Variants in MGAM observed in about 807,000 individuals in gnomAD.
The protein encoded by MGAM is alpha-1,4-glucosidase.
In MGAM, 253 loss-of-function variants were observed where a neutral mutation model predicts 358.8. The ratio of observed to expected loss-of-function variants is 0.71; its 90% CI spans 0.64 to 0.78. The LOEUF (loss-of-function observed/expected upper bound fraction) is 0.78, where lower values mean the gene tolerates loss of function less well. Ranked by LOEUF, MGAM falls within the 30% of genes least tolerant of loss-of-function variation. The probability of loss-of-function intolerance (pLI) is 0.00; values close to 1 mark genes in which losing one functional copy is unlikely to be tolerated. For synonymous variants in MGAM, 1,105 were observed against 1,227.1 expected (o/e 0.90, Z 2.08); for missense variants, 3,080 against 3,432.6 (o/e 0.90, Z 2.57).
chr7:142,021,524 G>T (rs1395943370), intron 5 of MGAM, 62 bp from the exon 6 acceptor site: 5 of 1,509,508 alleles, frequency 3.3e-6, no homozygotes, highest in South Asian at 1.2e-5. Flanking sequence ...CCTAAGTAGG[G>T]ATATTGGGAA....
chr7:142,050,911 C>T, intron 24 of MGAM, 47 bp downstream of exon 24: 1 of 1,611,352 alleles, frequency 6.2e-7, no homozygotes, highest in Non-Finnish European at 8.5e-7. Context: ...TTCTCCATAG[C>T]ATCGTGATGT....
chr7:142,018,966 G>T (rs1281602284), intron 3 of MGAM, among the ~76,000 whole-genome samples: 1 of 151,530 alleles, frequency 6.6e-6, no homozygotes, highest in Non-Finnish European at 1.5e-5. Context: ...AAAAGTTATA[G>T]AATGCATTTT....
chr7:141,993,417 A>G (rs1337184075), upstream of MGAM, among the ~76,000 whole-genome samples: 3 of 152,260 alleles, frequency 2.0e-5, no homozygotes, highest in East Asian at 5.8e-4. Flanking sequence ...TATCAAGATC[A>G]ATGACATGAA....
intron 21 of MGAM, among the ~76,000 whole-genome samples, chr7:142,042,003 A>G (rs1379573896): frequency 1.5e-4 from 3 of 20,298 alleles, no homozygotes; most frequent in African/African-American, 2.2e-4. Flanking sequence ...TATATATTAT[A>G]TATATAATAT....
At chr7:142,024,895 T>G (rs1554460281) in intron 7 of MGAM, among the ~76,000 whole-genome samples, 155 bp from the exon 8 acceptor site, 1 of 152,220 alleles carries the variant, frequency 6.6e-6, no homozygotes, top group African/African-American at 2.4e-5. Flanking sequence ...TAACATCAAC[T>G]AGATATAGAC....
At position 141,989,085 on chromosome 7, in the gene MGAM, AGT is replaced by A. The variant is rs141747720; in HGVS notation, c.-2-16421_-2-16420del. Reference sequence around the variant, plus strand: ...GGGGTGTAGATGCCATGTGCTTGTGAGTGTGTGTGTGTGTGTGTGTGTGTATG... The same window carrying A: ...GGGGTGTAGATGCCATGTGCTTGTGAGTGTGTGTGTGTGTGTGTGTGTATG... On this transcript the variant is annotated intron_variant, in intron 2 of 5. Transcript: ENST00000465654. Among the ~76,000 whole-genome samples, 704 of 140,636 alleles carry A rather than the reference AGT, an allele frequency of 5.0e-3. 2 individuals carry two copies. Among genetic ancestry groups the A allele is most frequent in the Middle Eastern group, 0.014 (4 of 278 alleles). The allele number at this position is 140,636 out of a possible 152,430, so 92.3% of individuals were successfully genotyped here.
At chr7:142,007,484 C>G (rs1368122581) in intron 2 of MGAM, among the ~76,000 whole-genome samples, 3 of 151,940 alleles carry the variant, frequency 2.0e-5, no homozygotes, top group Non-Finnish European at 2.9e-5. Context: ...AAAAAAGTCC[C>G]AAAGATTGCT....
chr7:142,046,153 T>C (rs1404686339), intron 21 of MGAM, among the ~76,000 whole-genome samples: 2 of 146,050 alleles, frequency 1.4e-5, no homozygotes, highest in East Asian at 2.0e-4. Flanking sequence ...TATATATATT[T>C]ATATTATATT....
chr7:142,036,264 T>C lies in MGAM; in HGVS notation c.2055T>C (p.Asn685=). ...GTGCATTTTATCCGTTTTCTAGAAA[T>C]CACAATGGCCAAGGCTACAAGGTAA... ...QLGAFYPFSR[N]HNGQGYKDQD... Residue 685 remains asparagine (N), a synonymous_variant, in exon 17 of 71, where the codon AAT becomes AAC. Transcript: ENST00000475668. The C allele has an allele frequency of 6.2e-7, 1 of 1,608,324 alleles. No homozygotes were observed. The highest frequency in any genetic ancestry group is 8.5e-7 in the Non-Finnish European group (1 of 1,177,344).
intron 1 of MGAM, among the ~76,000 whole-genome samples, chr7:141,999,636 A>G (rs1804576866): frequency 6.6e-6 from 1 of 152,226 alleles, no homozygotes. Context: ...ACTGTTAACC[A>G]TTATTATCAT....
chr7:142,022,620 A>T (rs529486785), intron 7 of MGAM, among the ~76,000 whole-genome samples, 181 bp downstream of exon 7: 41 of 152,242 alleles, frequency 2.7e-4, no homozygotes, highest in African/African-American at 8.7e-4. Flanking sequence ...CTCTGTCTTC[A>T]GTTTCTTATC....
chr7:142,047,687 G>A, intron 21 of MGAM, 98 bp from the exon 22 acceptor site: 1 of 1,149,424 alleles, frequency 8.7e-7, no homozygotes, highest in South Asian at 1.3e-5. Context: ...TCTGCTGCTA[G>A]TAACTTTTCC....
At chr7:142,011,804 A>T (rs1805620832) in intron 3 of MGAM, among the ~76,000 whole-genome samples, 2 of 152,086 alleles carry the variant, frequency 1.3e-5, no homozygotes, top group African/African-American at 4.8e-5. Context: ...GATTTGGGGG[A>T]CTAGAAAGAC....
At position 142,102,634 on chromosome 7, in the gene MGAM, C is replaced by G; in HGVS notation, c.7968C>G (p.Thr2656=). ...LFWDDGQSID[T]YGKGLYYLAS... ...TATCTTGTTTTTTGTTTGCAGATAC[C>G]TATGGGAAAGGACTCTATTACTTGG... Residue 2656 remains threonine (T), a synonymous_variant, in exon 69 of 71, where the codon ACC becomes ACG. Transcript: ENST00000475668. The G allele has an allele frequency of 6.2e-7, 1 of 1,613,246 alleles. No homozygotes were observed. The highest frequency in any genetic ancestry group is 1.3e-5 in the African/African-American group (1 of 75,014).
intron 1 of MGAM, among the ~76,000 whole-genome samples, chr7:142,003,539 A>G (rs547037549): frequency 7.5e-4 from 114 of 152,198 alleles, no homozygotes; most frequent in Non-Finnish European, 5.2e-4. Flanking sequence ...ACCATGTACA[A>G]AAATTAACTC....
intron 1 of MGAM, among the ~76,000 whole-genome samples, chr7:142,001,857 G>A (rs529009000): frequency 6.6e-6 from 1 of 152,136 alleles, no homozygotes; most frequent in South Asian, 2.1e-4. Context: ...TCTTCTCTTT[G>A]GTAAATAATG....
intron 8 of MGAM, among the ~76,000 whole-genome samples, 176 bp from the exon 9 acceptor site, chr7:142,026,939 G>A (rs1807029876): frequency 6.6e-6 from 1 of 152,192 alleles, no homozygotes; most frequent in South Asian, 2.1e-4. Context: ...TGGCTGCCAT[G>A]TGCTGTGAGG....
At chr7:142,048,273 C>T (rs908273921) in intron 22 of MGAM, among the ~76,000 whole-genome samples, 1 of 151,536 alleles carries the variant, frequency 6.6e-6, no homozygotes, top group African/African-American at 2.4e-5. Context: ...CTGTCTCAGC[C>T]TCCCGCGTAG....
intron 21 of MGAM, among the ~76,000 whole-genome samples, chr7:142,043,125 A>C (rs1175217394): frequency 0.016 from 214 of 13,766 alleles, 8 homozygotes; most frequent in African/African-American, 0.074. Context: ...AATATAATAT[A>C]TATATTATAT....
Sources: allele counts gnomAD v4.1 joint callset (sites outside exome capture counted in the v4.1 genomes callset), GRCh38; gene constraint gnomAD v4.1.1; transcripts MANE v1.5; gene names NCBI Gene and HGNC (gene_info 2026-07-23, HGNC 2026-07-21).